NCAM2: variants seen among roughly 807,000 people sequenced by gnomAD.
NCAM2 encodes the protein neural cell adhesion molecule 2.
A neutral mutation model predicts 98.1 loss-of-function variants in NCAM2; 30 were observed. That is an observed-to-expected ratio of 0.31 (90% CI 0.23 to 0.41). The LOEUF is 0.41. Ranked by LOEUF, NCAM2 falls within the 10% of genes least tolerant of loss-of-function variation. The probability of loss-of-function intolerance (pLI) is 1.00; values close to 1 mark genes in which losing one functional copy is unlikely to be tolerated. For synonymous variants in NCAM2, 368 were observed against 342.4 expected (o/e 1.07, Z -0.83); for missense variants, 867 against 1,005.8 (o/e 0.86, Z 1.87).
chr21:21,177,008 T>G (rs529877574), intron 1 of NCAM2, among the ~76,000 whole-genome samples: 7 of 152,160 alleles, frequency 4.6e-5, no homozygotes, highest in Non-Finnish European at 1.0e-4. Context: ...CCTATTTACT[T>G]AGAACATTTA....
intron 15 of NCAM2, among the ~76,000 whole-genome samples, chr21:21,497,077 GA>G (rs1463208840): frequency 6.6e-6 from 1 of 152,086 alleles, no homozygotes; most frequent in Non-Finnish European, 1.5e-5. Context: ...GATAGAGCGG[GA>G]GGCCATAGTC....
At chr21:21,326,688 C>A (rs1236098894) in intron 6 of NCAM2, among the ~76,000 whole-genome samples, 2 of 151,648 alleles carry the variant, frequency 1.3e-5, no homozygotes, top group Non-Finnish European at 2.9e-5. Context: ...TATATTTTTT[C>A]TTCTCCATAT....
chr21:21,416,923 C>T (rs540294694), intron 10 of NCAM2, among the ~76,000 whole-genome samples: 84 of 145,164 alleles, frequency 5.8e-4, no homozygotes, highest in African/African-American at 2.0e-3. Context: ...TAATCTATGT[C>T]GTGATGGGTG....
intron 1 of NCAM2, among the ~76,000 whole-genome samples, chr21:21,181,201 A>G (rs750629416): frequency 2.0e-5 from 3 of 152,140 alleles, no homozygotes; most frequent in Non-Finnish European, 4.4e-5. Flanking sequence ...ATAAGGGAAT[A>G]TGGCAGTAGG....
At chr21:21,506,098 AT>A (rs1181061497) in intron 15 of NCAM2, among the ~76,000 whole-genome samples, 2 of 152,104 alleles carry the variant, frequency 1.3e-5, no homozygotes, top group African/African-American at 4.8e-5. Context: ...ATATATTGTC[AT>A]TGATCTATAG....
intron 1 of NCAM2, among the ~76,000 whole-genome samples, chr21:21,073,451 T>A (rs1227138810): frequency 6.6e-6 from 1 of 152,204 alleles, no homozygotes; most frequent in African/African-American, 2.4e-5. Flanking sequence ...AGATGGCCAT[T>A]TATAAAGGCA....
intron 1 of NCAM2, among the ~76,000 whole-genome samples, chr21:21,094,166 G>A (rs749972837): frequency 6.6e-6 from 1 of 151,748 alleles, no homozygotes; most frequent in Non-Finnish European, 1.5e-5. Flanking sequence ...GGCTGTACAT[G>A]CTGAATATTG....
At chr21:21,339,381 T>G (rs933001546) in intron 8 of NCAM2, among the ~76,000 whole-genome samples, 5 of 152,080 alleles carry the variant, frequency 3.3e-5, no homozygotes, top group African/African-American at 4.8e-5. Flanking sequence ...CATTACTATA[T>G]GTTTCACTAT....
At chr21:21,458,240 C>A (rs1982442197) in intron 12 of NCAM2, among the ~76,000 whole-genome samples, 1 of 152,198 alleles carries the variant, frequency 6.6e-6, no homozygotes, top group African/African-American at 2.4e-5. Flanking sequence ...ATGGTGGGTG[C>A]CCCTTCAGAG....
intron 1 of NCAM2, among the ~76,000 whole-genome samples, chr21:21,167,046 T>C (rs2067974902): frequency 6.6e-6 from 1 of 152,212 alleles, no homozygotes; most frequent in Non-Finnish European, 1.5e-5. Context: ...TTAGTTTTGT[T>C]GTTTTATGTC....
At chr21:21,264,162 A>C (rs945341118) in intron 1 of NCAM2, among the ~76,000 whole-genome samples, 5 of 152,064 alleles carry the variant, frequency 3.3e-5, no homozygotes, top group Non-Finnish European at 7.4e-5. Context: ...TGAACAAATA[A>C]CCCTGTTAAA....
intron 1 of NCAM2, among the ~76,000 whole-genome samples, chr21:21,219,794 A>G (rs2070064279): frequency 6.6e-6 from 1 of 152,210 alleles, no homozygotes; most frequent in Non-Finnish European, 1.5e-5. Flanking sequence ...TGAAAGCTCT[A>G]TGCTTGTTAT....
rs577248876 is a variant in NCAM2, at chr21:21,435,269, TAA to T, written c.1654+2990_1654+2991del. On this transcript the variant is annotated intron_variant, in intron 12 of 17. Transcript: ENST00000400546. ...TTTCTCATTTTCTTTCTCCTCATTTTAAAGAGACATAGTAGATCAATCCTCTG... is the reference window on the plus strand; with the variant it reads ...TTTCTCATTTTCTTTCTCCTCATTTTAGAGACATAGTAGATCAATCCTCTG... Among the ~76,000 whole-genome samples, 435 of 152,312 alleles carry T rather than the reference TAA, an allele frequency of 2.9e-3. 1 individual carries two copies. Among genetic ancestry groups the T allele is most frequent in the African/African-American group, 0.01 (421 of 41,574 alleles).
In NCAM2 at chr21:21,017,267, A is replaced by G. The variant is rs1002188421; in HGVS notation, c.55+18649A>G. The stretch of plus-strand genomic sequence containing the variant: ...TGGTGAAAACCCGTCTCTACTAAAA[A>G]TACAAAAAATTAGCTGGGCGTGGTG... On this transcript the variant is annotated intron_variant, in intron 1 of 17. Coordinates refer to ENST00000400546, the MANE Select transcript of NCAM2 (RefSeq NM_004540.5). Among the ~76,000 whole-genome samples the G allele has an allele frequency of 3.3e-5, 5 of 152,054 alleles. No homozygotes were observed. In the South Asian group the frequency reaches 1.0e-3, roughly 32 times the overall value.
At chr21:21,368,789 A>T (rs569982741) in intron 8 of NCAM2, among the ~76,000 whole-genome samples, 4 of 151,902 alleles carry the variant, frequency 2.6e-5, no homozygotes, top group South Asian at 4.1e-4. Context: ...CTTTGAGGGG[A>T]CCCAAACATT....
chr21:21,244,844 TAAAAAAAAAA>T (rs11410837), intron 1 of NCAM2, among the ~76,000 whole-genome samples: 3 of 99,942 alleles, frequency 3.0e-5, no homozygotes, highest in South Asian at 8.2e-4. Context: ...AGACTCTGTC[TAAAAAAAAAA>T]AAAAAAAAAA....
At chr21:21,116,489 A>G (rs989494518) in intron 1 of NCAM2, among the ~76,000 whole-genome samples, 3 of 152,162 alleles carry the variant, frequency 2.0e-5, no homozygotes, top group Non-Finnish European at 4.4e-5. Flanking sequence ...TGTTTAGTTT[A>G]AGGCCTTACC....
intron 5 of NCAM2, among the ~76,000 whole-genome samples, chr21:21,314,689 G>A (rs1192350340): frequency 6.6e-6 from 1 of 151,878 alleles, no homozygotes; most frequent in Non-Finnish European, 1.5e-5. Flanking sequence ...TTCAAAATTG[G>A]ATAACTTCCA....
chr21:21,397,614 G>A (rs1372598154), intron 9 of NCAM2, among the ~76,000 whole-genome samples: 1 of 152,232 alleles, frequency 6.6e-6, no homozygotes, highest in Non-Finnish European at 1.5e-5. Flanking sequence ...AGGGATGGGA[G>A]CAGGCACTTC....
Sources: gnomAD v4.1 joint callset for allele counts (sites outside exome capture counted in the v4.1 genomes callset) on GRCh38, gnomAD v4.1.1 for gene constraint, MANE v1.5 for transcripts, NCBI Gene and HGNC (gene_info 2026-07-23, HGNC 2026-07-21) for gene names.